Variants in EIPR1 observed in about 807,000 individuals in gnomAD.
EIPR1 encodes the protein EARP complex and GARP complex interacting protein 1, also known as EARP and GARP complex-interacting protein 1.
A neutral mutation model predicts 48.1 loss-of-function variants in EIPR1; 25 were observed. That is an observed-to-expected ratio of 0.52 (90% CI 0.38 to 0.73). The LOEUF is 0.73. Among genes scored for constraint, EIPR1 ranks in the 30% least tolerant of loss-of-function variants. The pLI, the probability that EIPR1 is intolerant of heterozygous loss-of-function variation, is 0.00. For synonymous variants in EIPR1, 204 were observed against 201.9 expected (o/e 1.01, Z -0.09); for missense variants, 415 against 506.2 (o/e 0.82, Z 1.73).
intron 3 of EIPR1, among the ~76,000 whole-genome samples, chr2:3,334,071 A>C (rs1178178787): frequency 6.6e-6 from 1 of 152,222 alleles, no homozygotes; most frequent in African/African-American, 2.4e-5. Context: ...GCAACAACAA[A>C]GAAAACACAC....
chr2:3,288,183 T>C (rs535176352), intron 3 of EIPR1, among the ~76,000 whole-genome samples: 154 of 152,346 alleles, frequency 1.0e-3, no homozygotes, highest in African/African-American at 3.6e-3. Flanking sequence ...CACATGCTTG[T>C]CCTGCCACCC....
chr2:3,347,619 G>A (rs1670443247), intron 2 of EIPR1, among the ~76,000 whole-genome samples: 1 of 152,152 alleles, frequency 6.6e-6, no homozygotes, highest in Middle Eastern at 3.2e-3. Flanking sequence ...ACTGATACAG[G>A]GTCAAACTGA....
At chr2:3,205,479 T>G (rs1286414480) in intron 5 of EIPR1, among the ~76,000 whole-genome samples, 1 of 151,926 alleles carries the variant, frequency 6.6e-6, no homozygotes, top group African/African-American at 2.4e-5. Context: ...TATGGCAGAG[T>G]GGAAAGATGC....
chr2:3,206,246 G>GT (rs1665230792), intron 5 of EIPR1, among the ~76,000 whole-genome samples: 1 of 152,208 alleles, frequency 6.6e-6, no homozygotes, highest in African/African-American at 2.4e-5. Flanking sequence ...GCAGGAGCTG[G>GT]TAGCACCAGG....
chr2:3,259,670 ATGT>A (rs1377122427), intron 3 of EIPR1, among the ~76,000 whole-genome samples: 1 of 152,236 alleles, frequency 6.6e-6, no homozygotes, highest in Non-Finnish European at 1.5e-5. Flanking sequence ...AACCCTTCTA[ATGT>A]TGTAACAAAG....
At chr2:3,270,056 G>C (rs1183872145) in intron 3 of EIPR1, among the ~76,000 whole-genome samples, 1 of 152,214 alleles carries the variant, frequency 6.6e-6, no homozygotes, top group Non-Finnish European at 1.5e-5. Flanking sequence ...CTCTGAGCAG[G>C]ACACTTGGCT....
chr2:3,374,131 G>A (rs1186667423), intron 1 of EIPR1, among the ~76,000 whole-genome samples: 3 of 148,774 alleles, frequency 2.0e-5, no homozygotes, highest in African/African-American at 2.5e-5. Context: ...AATGGGGAAA[G>A]GATTCCCTAT....
chr2:3,337,938 A>G, intron 3 of EIPR1, 79 bp downstream of exon 3: 2 of 1,477,910 alleles, frequency 1.4e-6, no homozygotes, highest in Non-Finnish European at 9.1e-7. Flanking sequence ...GTGTCGACCC[A>G]TTAGCAATAC....
intron 4 of EIPR1, among the ~76,000 whole-genome samples, chr2:3,225,168 T>C (rs1388533375): frequency 3.3e-5 from 5 of 152,194 alleles, no homozygotes; most frequent in Admixed American, 3.3e-4. Context: ...CCCAGATTTA[T>C]TGAAGTGTCC....
intron 2 of EIPR1, among the ~76,000 whole-genome samples, chr2:3,342,417 C>T (rs1222787241): frequency 2.6e-5 from 4 of 152,220 alleles, no homozygotes; most frequent in Non-Finnish European, 4.4e-5. Context: ...AACAGGGATG[C>T]GCTTAAATGT....
At chr2:3,315,169 CCACCCCCTACCACCACCAT>C (rs147214082) in intron 3 of EIPR1, among the ~76,000 whole-genome samples, 51,124 of 58,288 alleles carry the variant, frequency 0.88, 22,045 homozygotes, top group Non-Finnish European at 0.93. Flanking sequence ...ACCATCATCA[CCACCCCCTACCACCACCAT>C]CACCACCATC....
Position 3,192,513 on chromosome 2 carries a change from ACT to A in EIPR1, c.888_889del (p.Arg296SerfsTer22). ...GATGGACACCATGTTGGAAAGGATG[ACT>A]CTGCTGTCACTGCTGCCCGTGAGGA... On this transcript the variant is annotated frameshift_variant, in exon 8 of 9. Transcript: ENST00000382125. LOFTEE classifies it high-confidence loss of function. The A allele has an allele frequency of 6.2e-7, 1 of 1,613,044 alleles. No individual in the cohort carries two copies. Among genetic ancestry groups the A allele is most frequent in the Non-Finnish European group, 8.5e-7 (1 of 1,179,852 alleles).
At chr2:3,334,276 T>C (rs139251914) in intron 3 of EIPR1, among the ~76,000 whole-genome samples, 98 of 152,390 alleles carry the variant, frequency 6.4e-4, no homozygotes, top group African/African-American at 2.2e-3. Flanking sequence ...AGATTTGTTA[T>C]AACGAAGTGA....
At chr2:3,275,616 CTTT>C (rs1434688379) in intron 3 of EIPR1, among the ~76,000 whole-genome samples, 1 of 151,762 alleles carries the variant, frequency 6.6e-6, no homozygotes, top group Non-Finnish European at 1.5e-5. Context: ...AATCATATTC[CTTT>C]TTTAACTGAC....
intron 5 of EIPR1, among the ~76,000 whole-genome samples, chr2:3,203,947 C>T (rs549197661): frequency 5.9e-5 from 9 of 152,184 alleles, no homozygotes; most frequent in African/African-American, 1.9e-4. Flanking sequence ...CAGCCTCATG[C>T]GAGGGAGGCT....
chr2:3,319,134 A>G (rs34135516), intron 3 of EIPR1: 153,460 of 351,508 alleles, frequency 0.44, 36,464 homozygotes, highest in East Asian at 0.83. Flanking sequence ...TCACTCTGAG[A>G]CAATAGTTAC....
intron 3 of EIPR1, among the ~76,000 whole-genome samples, chr2:3,277,220 G>GCACCTGTCTCCACCCACGCGGCCCCA (rs1220648725): frequency 0.063 from 8,126 of 128,346 alleles, 563 homozygotes; most frequent in African/African-American, 0.079. Flanking sequence ...ACACGGCCCC[G>GCACCTGTCTCCACCCACGCGGCCCCA]CACCTGTCTC....
At chr2:3,351,266 G>A (rs1670570462) in intron 2 of EIPR1, among the ~76,000 whole-genome samples, 1 of 152,176 alleles carries the variant, frequency 6.6e-6, no homozygotes, top group Non-Finnish European at 1.5e-5. Flanking sequence ...CTCCTGAAGT[G>A]CTGGGATTAC....
Position 3,225,219 on chromosome 2 carries a change from GAT to G in EIPR1, c.417-10973_417-10972del, listed in dbSNP as rs1481908792. ...TGTGTATATTTAGGTAGTACACTGTGATATGTGTGTGTGTGTGTGTGTGTGTG... is the reference window on the plus strand; with the variant it reads ...TGTGTATATTTAGGTAGTACACTGTGATGTGTGTGTGTGTGTGTGTGTGTG... On this transcript the variant is annotated intron_variant, in intron 4 of 8. Transcript: ENST00000382125. Among the ~76,000 whole-genome samples, 115 of 94,674 alleles carry G rather than the reference GAT, an allele frequency of 1.2e-3. 2 individuals are homozygous for G. The East Asian group carries it at 0.02, about 16-fold the overall frequency. 62.1% of individuals were successfully genotyped at this position (94,674 alleles called of 152,430 possible). A position where few individuals can be genotyped will look rare whatever the true frequency, so the allele number is the denominator to read the frequency against.
Sources: gnomAD v4.1 joint callset for allele counts (sites outside exome capture counted in the v4.1 genomes callset) on GRCh38, gnomAD v4.1.1 for gene constraint, MANE v1.5 for transcripts, NCBI Gene and HGNC (gene_info 2026-07-23, HGNC 2026-07-21) for gene names.